Variants in RFX6 observed in about 807,000 individuals in gnomAD.
RFX6 encodes regulatory factor X6.
A neutral mutation model predicts 110.8 loss-of-function variants in RFX6; 50 were observed. The observed-to-expected ratio is 0.45, with a 90% CI of 0.36 to 0.57. RFX6 has a LOEUF of 0.57. Among genes scored for constraint, RFX6 ranks in the 20% least tolerant of loss-of-function variants. RFX6 has a pLI of 0.00. For missense variants in RFX6, 990 were observed against 1,127.0 expected (o/e 0.88, Z 1.74); for synonymous variants, 383 against 411.2 (o/e 0.93, Z 0.83).
intron 18 of RFX6, among the ~76,000 whole-genome samples, chr6:116,929,633 T>G (rs1378324911): frequency 6.6e-6 from 1 of 152,162 alleles, no homozygotes; most frequent in African/African-American, 2.4e-5. Flanking sequence ...CAATAATAAT[T>G]AGTATGTTAT....
chr6:116,923,409 C>T (rs1252048826), intron 14 of RFX6, 185 bp downstream of exon 14: 19 of 591,596 alleles, frequency 3.2e-5, no homozygotes. Flanking sequence ...AGGATTAAAT[C>T]CTAACAATGA....
At position 116,927,203 on chromosome 6, in the gene RFX6, A is replaced by G. The variant is rs17857184; in HGVS notation, c.2062A>G (p.Thr688Ala). 1 of 1,613,752 alleles carries G rather than the reference A, an allele frequency of 6.2e-7. No individual in the cohort carries two copies. Among genetic ancestry groups the G allele is most frequent in the South Asian group, 1.1e-5 (1 of 91,036 alleles). Reference protein sequence around the residue: ...CSTYPEPIYPTLPQANHDFYS... With the variant: ...CSTYPEPIYPALPQANHDFYS... ...CACATACCCAGAGCCCATTTATCCC[A>G]CTCTCCCTCAAGCCAATCATGACTT... The change falls in exon 17 of 19, where the codon ACT (threonine) becomes GCT (alanine). Residue 688 changes from threonine to alanine, a missense_variant. Physicochemically the swap from Thr to Ala is moderately conservative, Grantham distance 58. Transcript: ENST00000332958.
chr6:116,886,438 A>G (rs892137459), intron 4 of RFX6, among the ~76,000 whole-genome samples: 3 of 152,160 alleles, frequency 2.0e-5, no homozygotes, highest in East Asian at 1.9e-4. Flanking sequence ...GATGTCTTTG[A>G]GGTTCATGAA....
intron 10 of RFX6, among the ~76,000 whole-genome samples, chr6:116,918,444 ATTAAC>A (rs892543308): frequency 6.6e-6 from 1 of 152,176 alleles, no homozygotes; most frequent in Admixed American, 6.5e-5. Context: ...GTATTTTATT[ATTAAC>A]TTTTGTCTTA....
intron 17 of RFX6, among the ~76,000 whole-genome samples, 157 bp from the exon 18 acceptor site, chr6:116,928,601 TA>T (rs1430963653): frequency 6.6e-6 from 1 of 152,218 alleles, no homozygotes; most frequent in Non-Finnish European, 1.5e-5. Flanking sequence ...CTTATCCATG[TA>T]CAAGCACAAA....
chr6:116,907,394 C>T (rs1775229391), intron 6 of RFX6, among the ~76,000 whole-genome samples: 1 of 152,064 alleles, frequency 6.6e-6, no homozygotes, highest in South Asian at 2.1e-4. Context: ...CAAAGTACTC[C>T]TTCCTCTTCA....
Position 116,924,734 on chromosome 6 carries a change from A to G in RFX6, c.1621A>G (p.Asn541Asp). The G allele has an allele frequency of 6.3e-7, 1 of 1,598,918 alleles. No homozygotes were observed. The highest frequency in any genetic ancestry group is 1.1e-5 in the South Asian group (1 of 90,778). Reference sequence around the variant, plus strand: ...TCTCCTGGCCATGGAGACCCAGTTTAATAATGACAAAGAGCAGGAGTTACA... The same window carrying G: ...TCTCCTGGCCATGGAGACCCAGTTTGATAATGACAAAGAGCAGGAGTTACA... ...YILLAMETQF[N>D]NDKEQELQNL... Residue 541 changes from asparagine to aspartate, a missense_variant, in exon 15 of 19, where the codon AAT becomes GAT. By Grantham distance (23) the Asn-to-Asp change is conservative. This residue lies in a region of RFX6 where 89 missense variants were observed against 140.3 expected (regional missense o/e 0.63). Coordinates refer to ENST00000332958, the MANE Select transcript of RFX6 (RefSeq NM_173560.4).
At chr6:116,887,807 C>A (rs1774732347) in intron 4 of RFX6, among the ~76,000 whole-genome samples, 1 of 152,198 alleles carries the variant, frequency 6.6e-6, no homozygotes, top group Non-Finnish European at 1.5e-5. Context: ...GGTCCCGTTG[C>A]TAACTAGGCC....
intron 6 of RFX6, among the ~76,000 whole-genome samples, chr6:116,902,747 C>T (rs936276895): frequency 6.6e-6 from 1 of 151,994 alleles, no homozygotes; most frequent in Admixed American, 6.6e-5. Flanking sequence ...TAACATCAAC[C>T]GTTCACAGCC....
chr6:116,931,030 A>G (rs537859953), intron 18 of RFX6, among the ~76,000 whole-genome samples: 1 of 152,266 alleles, frequency 6.6e-6, no homozygotes, highest in Non-Finnish European at 1.5e-5. Flanking sequence ...GGTTTGAACT[A>G]CAACCGTGAA....
intron 15 of RFX6, 22 bp downstream of exon 15, chr6:116,924,813 G>T (rs766862010): frequency 6.6e-7 from 1 of 1,513,722 alleles, no homozygotes; most frequent in Non-Finnish European, 9.2e-7. Flanking sequence ...TAACTGTTTT[G>T]TTTTGCATAT....
chr6:116,923,067 G>A (rs1057113079), intron 13 of RFX6, 40 bp from the exon 14 acceptor site: 1 of 1,042,260 alleles, frequency 9.6e-7, no homozygotes, highest in East Asian at 2.4e-5. Flanking sequence ...AGTACTGAGA[G>A]GACGGATTTT....
chr6:116,895,540 T>G (rs1025443918), intron 6 of RFX6, among the ~76,000 whole-genome samples: 3 of 152,152 alleles, frequency 2.0e-5, no homozygotes, highest in African/African-American at 7.2e-5. Flanking sequence ...GCTGAGGATA[T>G]GGAAAGAATT....
chr6:116,917,931 T>C (rs2114694906), intron 9 of RFX6, 106 bp from the exon 10 acceptor site: 2 of 774,148 alleles, frequency 2.6e-6, no homozygotes, highest in South Asian at 1.5e-5. Flanking sequence ...GGAGTTAACA[T>C]GTTATTCTCT....
intron 13 of RFX6, among the ~76,000 whole-genome samples, chr6:116,922,485 A>G (rs1775624136): frequency 6.6e-6 from 1 of 152,332 alleles, no homozygotes; most frequent in African/African-American, 2.4e-5. Context: ...GCCCGTTTCT[A>G]AAAAGCAAGA....
At chr6:116,909,611 T>C (rs576941594) in intron 6 of RFX6, among the ~76,000 whole-genome samples, 230 of 138,892 alleles carry the variant, frequency 1.7e-3, no homozygotes, top group Non-Finnish European at 3.3e-3. Flanking sequence ...ATGATAATTA[T>C]TAAATAATAG....
intron 4 of RFX6, among the ~76,000 whole-genome samples, chr6:116,887,360 C>T (rs145287507): frequency 0.011 from 1,692 of 152,268 alleles, 29 homozygotes; most frequent in Admixed American, 0.041. Context: ...ATTAGCAGCT[C>T]AGCTCTCTAT....
chr6:116,923,483 T>G, intron 14 of RFX6: 1 of 478,884 alleles, frequency 2.1e-6, no homozygotes, highest in Non-Finnish European at 3.8e-6. Flanking sequence ...TTCGAAGGGT[T>G]GTATAGGTAC....
At chr6:116,914,728 G>A (rs1292911373) in intron 7 of RFX6, among the ~76,000 whole-genome samples, 3 of 152,114 alleles carry the variant, frequency 2.0e-5, no homozygotes, top group Non-Finnish European at 4.4e-5. Flanking sequence ...GAAATGCAAA[G>A]GGTTAGGATA....
Sources: allele counts gnomAD v4.1 joint callset (sites outside exome capture counted in the v4.1 genomes callset), GRCh38; gene constraint gnomAD v4.1.1; regional missense constraint gnomAD v4.1.1; transcripts MANE v1.5; gene names NCBI Gene and HGNC (gene_info 2026-07-23, HGNC 2026-07-21).